The following WBP2 variants were observed in gnomAD, a reference collection of about 807,000 sequenced individuals.
WBP2 encodes the protein WW domain-binding protein 2.
In WBP2, 23 loss-of-function variants were observed where a neutral mutation model predicts 33.0. That is an observed-to-expected ratio of 0.70 (90% CI 0.50 to 0.99). The LOEUF (loss-of-function observed/expected upper bound fraction) is 0.99. WBP2 is among the 50% of genes least tolerant of loss of function. The probability of loss-of-function intolerance (pLI) is 0.00; values close to 1 mark genes in which losing one functional copy is unlikely to be tolerated. For synonymous variants in WBP2, 153 were observed against 133.5 expected, an observed-to-expected ratio of 1.15 and a Z score of -1.01; for missense variants, 353 against 358.0, an observed-to-expected ratio of 0.99 and a Z score of 0.11.
At chr17:75,850,549 C>A (rs1351633425) in intron 2 of WBP2, among the ~76,000 whole-genome samples, 1 of 151,814 alleles carries the variant, frequency 6.6e-6, no homozygotes, top group Non-Finnish European at 1.5e-5. Flanking sequence ...CCGGCCCCAG[C>A]CAGGGTTTTA....
chr17:75,848,340 T>G, intron 4 of WBP2: 1 of 597,876 alleles, frequency 1.7e-6, no homozygotes. Context: ...CAAACAGCTT[T>G]GTCAAAACGT....
Position 75,848,843 on chromosome 17 carries a change from G to A in WBP2, c.305-181C>T, listed in dbSNP as rs371954989. The A allele has an allele frequency of 1.6e-3, 1,007 of 625,724 alleles. 5 individuals carry two copies. Among genetic ancestry groups the A allele is most frequent in the South Asian group, 5.0e-3 (270 of 53,912 alleles). The allele number at this position is 625,724 out of a possible 1,614,324, so 38.8% of individuals were successfully genotyped here. ...CAGCCTGCTGCCTGCATAGGAGCCA[G>A]CACTGCAGCCTGGCCTGGCCCTGCT... On this transcript the variant is annotated intron_variant, in intron 3 of 7. Transcript: ENST00000254806.
upstream of WBP2, among the ~76,000 whole-genome samples, chr17:75,856,068 T>TC (rs939531279): frequency 1.3e-5 from 2 of 151,236 alleles, no homozygotes; most frequent in African/African-American, 2.4e-5. Context: ...GTGGCGCCGC[T>TC]CCCCCCTTAG....
rs1176444068 is a variant in WBP2, at chr17:75,847,787, C to T, written c.532+9G>A. 3 of 1,552,818 alleles carry T rather than the reference C, an allele frequency of 1.9e-6. No individual in the cohort carries two copies. The highest frequency in any genetic ancestry group is 4.8e-5 in the East Asian group (2 of 41,688). ...TGAGGGGAGTGGGGGCAGCAAAGGA[C>T]ACACTCACCAGGTGGGGGCGGTGGA... On this transcript the variant is annotated intron_variant, in intron 5 of 7. Transcript: ENST00000254806.
In WBP2 at chr17:75,848,556, C is replaced by T. The variant is rs72860379; in HGVS notation, c.397+14G>A. On this transcript the variant is annotated intron_variant, in intron 4 of 7. Coordinates refer to ENST00000254806, the MANE Select transcript of WBP2 (RefSeq NM_012478.4). ...TAGTGTGTCTTTAGCCCCTAATCTT[C>T]GGAGCCTGGATACCTTGAGATGCCA... 1.7e-5 allele frequency: 27 copies of T among 1,612,178 alleles called. No individual in the cohort carries two copies. Among genetic ancestry groups the T allele is most frequent in the South Asian group, 2.2e-5 (2 of 90,836 alleles).
chr17:75,847,126 G>A, intron 6 of WBP2, 142 bp from the exon 7 acceptor site: 1 of 899,140 alleles, frequency 1.1e-6, no homozygotes, highest in South Asian at 1.5e-5. Context: ...GAGGTTTCCT[G>A]AGCACATGCC....
chr17:75,847,062 T>G, intron 6 of WBP2, 78 bp from the exon 7 acceptor site: 7 of 1,501,998 alleles, frequency 4.7e-6, no homozygotes, highest in East Asian at 2.3e-5. Context: ...CGGGCCCCCA[T>G]GGCTCGGGGC....
intron 6 of WBP2, chr17:75,847,244 G>A: frequency 1.4e-6 from 1 of 697,054 alleles, no homozygotes; most frequent in South Asian, 1.8e-5. Context: ...GTAGATGAGA[G>A]GATCGAGAGG....
upstream of WBP2, among the ~76,000 whole-genome samples, chr17:75,856,019 C>G (rs1387198219): frequency 6.6e-6 from 1 of 152,200 alleles, no homozygotes; most frequent in Non-Finnish European, 1.5e-5. Flanking sequence ...GTTCGCAGGC[C>G]GGCCGGGCGC....
In WBP2 at chr17:75,851,584, TAGAC is replaced by T; in HGVS notation, c.148_151del (p.Val50ThrfsTer21). 2 of 1,613,482 alleles carry T rather than the reference TAGAC, an allele frequency of 1.2e-6. No individual in the cohort carries two copies. Among genetic ancestry groups the T allele is most frequent in the Non-Finnish European group, 1.7e-6 (2 of 1,179,522 alleles). ...GCAACTCACCCGGTAAGGGGTAAGGTAGACAGTGCCTTTCTTGGTCCCTTTGAAG... is the reference window on the plus strand; with the variant it reads ...GCAACTCACCCGGTAAGGGGTAAGGTAGTGCCTTTCTTGGTCCCTTTGAAG... On this transcript the variant is annotated frameshift_variant, in exon 2 of 8. Transcript: ENST00000254806. LOFTEE classifies it high-confidence loss of function.
At chr17:75,848,378 C>T (rs2065008083) in intron 4 of WBP2, 192 bp downstream of exon 4, 2 of 613,104 alleles carry the variant, frequency 3.3e-6, no homozygotes, top group South Asian at 2.0e-5. Flanking sequence ...CAGGGAAACG[C>T]AGTCTCTGAG....
rs760741038 is a variant in WBP2, at chr17:75,847,633, G to A, written c.533-24C>T. The A allele has an allele frequency of 6.2e-6, 10 of 1,612,758 alleles. No homozygotes were observed. In the South Asian group the frequency reaches 8.8e-5, roughly 14 times the overall value. On this transcript the variant is annotated intron_variant, in intron 5 of 7. Transcript: ENST00000254806. Reference sequence around the variant, plus strand: ...CTCTGCTCGGTGAGAGAGTAACAAGGACATGGTGAGCACCCGGCTGCGGCC... The same window carrying A: ...CTCTGCTCGGTGAGAGAGTAACAAGAACATGGTGAGCACCCGGCTGCGGCC...
intron 1 of WBP2, 68 bp downstream of exon 1, chr17:75,855,171 A>G (rs756508576): frequency 5.9e-6 from 2 of 339,778 alleles, no homozygotes; most frequent in Non-Finnish European, 1.0e-5. Flanking sequence ...CCCACCACCC[A>G]CCACCCACCG....
upstream of WBP2, among the ~76,000 whole-genome samples, chr17:75,855,741 G>A (rs1039117381): frequency 4.6e-5 from 7 of 152,274 alleles, no homozygotes; most frequent in Non-Finnish European, 1.5e-5. Context: ...AGTCCTGCTG[G>A]TCGAATGCGA....
chr17:75,855,766 G>A (rs1004732609), upstream of WBP2, among the ~76,000 whole-genome samples: 1 of 152,270 alleles, frequency 6.6e-6, no homozygotes, highest in East Asian at 1.9e-4. Flanking sequence ...GACATGGCGT[G>A]GGAGCGCCGA....
Position 75,846,553 on chromosome 17 carries a change from G to T in WBP2, c.*181C>A. ...GGGCTCCGGGCTGGCATGGGAAGCT[G>T]GGCGGCACCTCTCCCGAGGCCGGGG... On this transcript the variant is annotated 3_prime_UTR_variant, in exon 8 of 8. Transcript: ENST00000254806. The surrounding 1 kb of genome is among the most constrained non-coding windows in gnomAD (Gnocchi z 4.8). 1 of 769,956 alleles carries T rather than the reference G, an allele frequency of 1.3e-6. No homozygotes were observed. The allele number at this position is 769,956 out of a possible 1,614,324, so 47.7% of individuals were successfully genotyped here. A position where few individuals can be genotyped will look rare whatever the true frequency, so the allele number is the denominator to read the frequency against.
At chr17:75,848,454 G>A (rs1599421628) in intron 4 of WBP2, 116 bp downstream of exon 4, 2 of 955,792 alleles carry the variant, frequency 2.1e-6, no homozygotes, top group Non-Finnish European at 3.2e-6. Context: ...TCAGCCTGGT[G>A]CCCAAACACT....
At chr17:75,850,280 C>T (rs2065020440) in intron 2 of WBP2, among the ~76,000 whole-genome samples, 1 of 149,790 alleles carries the variant, frequency 6.7e-6, no homozygotes, top group South Asian at 2.1e-4. Context: ...GAGTCTTACT[C>T]TGTTGCCTGG....
rs573232225 is a variant in WBP2 at position 75,849,533 on chromosome 17, G to A, written c.304+71C>T. 1.3e-4 allele frequency: 214 copies of A among 1,588,478 alleles called. No individual in the cohort carries two copies. The South Asian group carries it at 2.1e-3, about 16-fold the overall frequency. ...AAGGGTCTGAAGGGGACGCCCCCAC[G>A]GCGGCAGTCAGAGGTTCCCAGGACA... On this transcript the variant is annotated intron_variant, in intron 3 of 7. Transcript: ENST00000254806.
Sources: allele counts gnomAD v4.1 joint callset (sites outside exome capture counted in the v4.1 genomes callset), GRCh38; gene constraint gnomAD v4.1.1; non-coding constraint Gnocchi (gnomAD v3.1); transcripts MANE v1.5; gene names NCBI Gene and HGNC (gene_info 2026-07-23, HGNC 2026-07-21).